CYP19A1: variants seen among roughly 807,000 people sequenced by gnomAD.
CYP19A1 encodes aromatase.
In CYP19A1, 32 loss-of-function variants were observed where a neutral mutation model predicts 44.4. The ratio of observed to expected loss-of-function variants is 0.72; its 90% confidence interval spans 0.54 to 0.97. CYP19A1 has a LOEUF of 0.97. Ranked by LOEUF, CYP19A1 falls within the 50% of genes least tolerant of loss-of-function variation. The pLI is 0.00. For synonymous variants in CYP19A1, 212 were observed against 215.6 expected (o/e 0.98, Z 0.14); for missense variants, 598 against 637.8 (o/e 0.94, Z 0.67).
At chr15:51,292,163 C>T (rs955243169) in intron 1 of CYP19A1, among the ~76,000 whole-genome samples, 3 of 152,158 alleles carry the variant, frequency 2.0e-5, no homozygotes, top group Non-Finnish European at 2.9e-5. Flanking sequence ...TTTGGACCAC[C>T]CTAGCAATCA....
intron 2 of CYP19A1, among the ~76,000 whole-genome samples, chr15:51,242,545 G>A (rs1169478651): frequency 6.6e-6 from 1 of 152,156 alleles, no homozygotes; most frequent in African/African-American, 2.4e-5. Context: ...ACAGCACAGA[G>A]TGGAAGGGTT....
At chr15:51,232,577 C>T (rs1434865518) in intron 3 of CYP19A1, among the ~76,000 whole-genome samples, 5 of 152,184 alleles carry the variant, frequency 3.3e-5, no homozygotes, top group Non-Finnish European at 5.9e-5. Context: ...CCCAAACTTG[C>T]TCCACCTATC....
At chr15:51,234,891 G>A (rs887691547) in intron 3 of CYP19A1, among the ~76,000 whole-genome samples, 3 of 152,128 alleles carry the variant, frequency 2.0e-5, no homozygotes, top group Admixed American at 6.5e-5. Flanking sequence ...TGAGAGGCAC[G>A]GCACTGTGCT....
intron 1 of CYP19A1, among the ~76,000 whole-genome samples, chr15:51,259,227 C>T (rs981579129): frequency 1.3e-5 from 2 of 152,160 alleles, no homozygotes; most frequent in African/African-American, 4.8e-5. Flanking sequence ...GTCTAGTAAT[C>T]ATCAAAGCCC....
At chr15:51,222,006 C>T (rs6493489) in intron 5 of CYP19A1, 206,954 of 444,326 alleles carry the variant, frequency 0.47, 50,798 homozygotes, top group Non-Finnish European at 0.52. Context: ...AAAAGAACAA[C>T]TGGAAATGGT....
rs558205172 is a variant in CYP19A1, at chr15:51,209,337, G to A, written c.*1471C>T. 1 of 152,270 alleles carries A rather than the reference G, an allele frequency of 6.6e-6. No homozygotes were observed. Among genetic ancestry groups the A allele is most frequent in the East Asian group, 1.9e-4 (1 of 5,174 alleles). The allele number at this position is 152,270 out of a possible 1,614,324, so 9.4% of individuals were successfully genotyped here. The stretch of plus-strand genomic sequence containing the variant: ...GAGACAGGACAGGGAAATGGGGATG[G>A]AAATAGATTACAAAAGAAAGAAAGT... On this transcript the variant is annotated 3_prime_UTR_variant, in exon 10 of 10. Transcript: ENST00000396402.
chr15:51,233,479 A>G (rs1009575426), intron 3 of CYP19A1, among the ~76,000 whole-genome samples: 6 of 152,226 alleles, frequency 3.9e-5, no homozygotes, highest in Admixed American at 3.9e-4. Context: ...GCTGCTATAC[A>G]TAGTAAGTTT....
intron 1 of CYP19A1, among the ~76,000 whole-genome samples, chr15:51,285,081 G>A (rs563963575): frequency 1.3e-4 from 20 of 152,294 alleles, no homozygotes; most frequent in Admixed American, 6.5e-4. Flanking sequence ...CAAGAAAACC[G>A]CACAGGAAGC....
intron 1 of CYP19A1, among the ~76,000 whole-genome samples, chr15:51,260,093 GAATCA>G (rs2034657583): frequency 6.6e-6 from 1 of 152,232 alleles, no homozygotes; most frequent in African/African-American, 2.4e-5. Context: ...AGGGCAACAG[GAATCA>G]GCAACTGTCT....
intron 1 of CYP19A1, among the ~76,000 whole-genome samples, chr15:51,280,771 T>G (rs1422266796): frequency 6.6e-6 from 1 of 152,220 alleles, no homozygotes; most frequent in Non-Finnish European, 1.5e-5. Flanking sequence ...CAGCTGTAAC[T>G]GTGTCAACGA....
chr15:51,248,905 C>T (rs930646573), intron 1 of CYP19A1, among the ~76,000 whole-genome samples: 1 of 151,958 alleles, frequency 6.6e-6, no homozygotes, highest in African/African-American at 2.4e-5. Flanking sequence ...TCTTTGCTTC[C>T]AGTTGTCTAC....
At chr15:51,230,550 C>T (rs1180132236) in intron 3 of CYP19A1, among the ~76,000 whole-genome samples, 1 of 151,240 alleles carries the variant, frequency 6.6e-6, no homozygotes, top group Non-Finnish European at 1.5e-5. Flanking sequence ...TGGGATTAAA[C>T]AATTCACACA....
At chr15:51,284,891 A>T (rs1469289826) in intron 1 of CYP19A1, among the ~76,000 whole-genome samples, 2 of 152,216 alleles carry the variant, frequency 1.3e-5, no homozygotes, top group Admixed American at 1.3e-4. Flanking sequence ...AAGATCTATC[A>T]TGAGCCACAG....
intron 3 of CYP19A1, among the ~76,000 whole-genome samples, chr15:51,233,026 G>A (rs1489865646): frequency 6.6e-6 from 1 of 152,126 alleles, no homozygotes; most frequent in Non-Finnish European, 1.5e-5. Context: ...TAGAATATTG[G>A]CACTTGCTGT....
intron 1 of CYP19A1, among the ~76,000 whole-genome samples, chr15:51,258,357 C>A (rs934282097): frequency 2.0e-5 from 3 of 152,216 alleles, no homozygotes; most frequent in African/African-American, 7.2e-5. Context: ...CCTACCATTG[C>A]TCTCCTTCAT....
At chr15:51,238,970 A>G (rs1488667581) in intron 2 of CYP19A1, among the ~76,000 whole-genome samples, 2 of 152,216 alleles carry the variant, frequency 1.3e-5, no homozygotes, top group African/African-American at 4.8e-5. Context: ...TAATTACTAA[A>G]TAAAAGAATG....
At chr15:51,248,648 G>A (rs942138136) in intron 1 of CYP19A1, among the ~76,000 whole-genome samples, 5 of 152,148 alleles carry the variant, frequency 3.3e-5, no homozygotes, top group Admixed American at 6.5e-5. Flanking sequence ...AAAGGACAGG[G>A]ATCTGTGTCT....
chr15:51,263,243 G>A (rs2034796857), intron 1 of CYP19A1, among the ~76,000 whole-genome samples: 1 of 152,196 alleles, frequency 6.6e-6, no homozygotes, highest in South Asian at 2.1e-4. Context: ...TTTCAAGAAG[G>A]AAGATATGGT....
At chr15:51,270,184 G>GT (rs3078032) in intron 1 of CYP19A1, among the ~76,000 whole-genome samples, 6,085 of 149,138 alleles carry the variant, frequency 0.041, 258 homozygotes, top group South Asian at 0.19. Flanking sequence ...GTATTCTTTG[G>GT]TTTTTTTTTT....
Sources: gnomAD v4.1 joint callset for allele counts (sites outside exome capture counted in the v4.1 genomes callset) on GRCh38, gnomAD v4.1.1 for gene constraint, MANE v1.5 for transcripts, NCBI Gene and HGNC (gene_info 2026-07-23, HGNC 2026-07-21) for gene names.